PTPRD: variants seen among roughly 807,000 people sequenced by gnomAD.
The protein encoded by PTPRD is receptor-type tyrosine-protein phosphatase delta.
Under a neutral mutation model 214.5 loss-of-function variants are expected in PTPRD, and 34 were observed. The ratio of observed to expected loss-of-function variants is 0.16; its 90% CI spans 0.12 to 0.21. The LOEUF (loss-of-function observed/expected upper bound fraction) is 0.21. Among genes scored for constraint, PTPRD ranks in the 10% least tolerant of loss-of-function variants. The pLI is 1.00. For missense variants in PTPRD, 2,545 were observed against 2,398.7 expected, an observed-to-expected ratio of 1.06 and a Z score of -1.27; for synonymous variants, 1,128 against 845.7, an observed-to-expected ratio of 1.33 and a Z score of -5.79.
chr9:10,238,507 C>A (rs1440793152), intron 3 of PTPRD, among the ~76,000 whole-genome samples: 1 of 151,878 alleles, frequency 6.6e-6, no homozygotes, highest in African/African-American at 2.4e-5. Context: ...CTCCAGAATG[C>A]AATTCTTGCT....
intron 11 of PTPRD, among the ~76,000 whole-genome samples, chr9:8,825,690 T>C (rs1246441109): frequency 6.6e-6 from 1 of 152,188 alleles, no homozygotes; most frequent in Admixed American, 6.5e-5. Flanking sequence ...AATGGCTACT[T>C]TATAGACAGA....
intron 35 of PTPRD, among the ~76,000 whole-genome samples, chr9:8,432,462 C>T (rs1343006654): frequency 6.6e-6 from 1 of 152,140 alleles, no homozygotes; most frequent in Non-Finnish European, 1.5e-5. Context: ...ACCTCAGGAT[C>T]AGTGCAAACA....
intron 3 of PTPRD, among the ~76,000 whole-genome samples, chr9:10,072,515 C>G (rs2098043876): frequency 6.6e-6 from 1 of 152,062 alleles, no homozygotes; most frequent in South Asian, 2.1e-4. Flanking sequence ...GCTTCCACAG[C>G]ATGGAAGGGG....
At chr9:9,739,926 GT>G (rs1411714842) in intron 6 of PTPRD, among the ~76,000 whole-genome samples, 5 of 152,052 alleles carry the variant, frequency 3.3e-5, no homozygotes, top group African/African-American at 1.2e-4. Context: ...TTCAAGTTGT[GT>G]TTTAAGAAAT....
intron 8 of PTPRD, among the ~76,000 whole-genome samples, chr9:9,402,705 G>C (rs1322318025): frequency 6.7e-6 from 1 of 149,570 alleles, no homozygotes; most frequent in Non-Finnish European, 1.5e-5. Context: ...AAAAATAAAA[G>C]ATGTCTGAGC....
intron 12 of PTPRD, among the ~76,000 whole-genome samples, chr9:8,669,703 T>C (rs2097241611): frequency 6.6e-6 from 1 of 152,118 alleles, no homozygotes; most frequent in Admixed American, 6.5e-5. Flanking sequence ...AATAGGTTTG[T>C]CCAAGAACCA....
chr9:9,564,882 C>CTTTTT (rs1448047685), intron 8 of PTPRD, among the ~76,000 whole-genome samples: 3 of 33,214 alleles, frequency 9.0e-5, no homozygotes, highest in Admixed American at 4.9e-4. Flanking sequence ...CTTGAATCTT[C>CTTTTT]TGTTTTTTTT....
At chr9:9,288,200 A>G (rs1595209417) in intron 9 of PTPRD, among the ~76,000 whole-genome samples, 1 of 151,804 alleles carries the variant, frequency 6.6e-6, no homozygotes, top group African/African-American at 2.4e-5. Flanking sequence ...ATCTTAAGAG[A>G]TTATTCATCT....
At chr9:9,276,168 G>A (rs990606624) in intron 9 of PTPRD, among the ~76,000 whole-genome samples, 1 of 151,138 alleles carries the variant, frequency 6.6e-6, no homozygotes, top group Non-Finnish European at 1.5e-5. Flanking sequence ...AATTTCATTG[G>A]GGACATTCAT....
chr9:9,221,157 T>C (rs774330174), intron 9 of PTPRD, among the ~76,000 whole-genome samples: 8 of 152,082 alleles, frequency 5.3e-5, no homozygotes, highest in Non-Finnish European at 1.2e-4. Flanking sequence ...GCCTCAACAA[T>C]TTGCCTTGTT....
At position 9,673,112 on chromosome 9, in the gene PTPRD, A is replaced by T. The variant is rs185118483; in HGVS notation, c.-287+61421T>A. ...GCTGACAAACAGGTACAAATTTTGAAGTTAATTCTAGGGAATTGTGCAATA... is the reference window on the plus strand; with the variant it reads ...GCTGACAAACAGGTACAAATTTTGATGTTAATTCTAGGGAATTGTGCAATA... On this transcript the variant is annotated intron_variant, in intron 7 of 45. Transcript: ENST00000381196. 3.3e-5 allele frequency among the ~76,000 whole-genome samples: 5 copies of T among 152,144 alleles called. No individual in the cohort carries two copies. In the East Asian group the frequency reaches 9.7e-4, roughly 29 times the overall value.
At chr9:10,241,843 T>C (rs977115071) in intron 3 of PTPRD, among the ~76,000 whole-genome samples, 27 of 151,994 alleles carry the variant, frequency 1.8e-4, no homozygotes, top group East Asian at 5.8e-4. Flanking sequence ...TATTGTGTTG[T>C]CAATGATACT....
At chr9:8,978,543 C>T (rs60571549) in intron 11 of PTPRD, among the ~76,000 whole-genome samples, 6,445 of 152,152 alleles carry the variant, frequency 0.042, 457 homozygotes, top group East Asian at 0.27. Flanking sequence ...CAGACTCAGA[C>T]CTATCAGAGT....
At chr9:9,975,746 G>A (rs749283873) in intron 4 of PTPRD, among the ~76,000 whole-genome samples, 1 of 152,154 alleles carries the variant, frequency 6.6e-6, no homozygotes, top group African/African-American at 2.4e-5. Flanking sequence ...AGATACACAG[G>A]TTCTGGAGTC....
chr9:8,607,417 G>A (rs933807857), intron 14 of PTPRD, among the ~76,000 whole-genome samples: 1 of 152,152 alleles, frequency 6.6e-6, no homozygotes, highest in African/African-American at 2.4e-5. Context: ...GGCTGAGGTG[G>A]GTGGATCACA....
chr9:9,456,765 TA>T (rs1355213873), intron 8 of PTPRD, among the ~76,000 whole-genome samples: 6 of 151,830 alleles, frequency 4.0e-5, no homozygotes, highest in African/African-American at 1.4e-4. Context: ...GACTGAGAAA[TA>T]AAGAGGTTAA....
chr9:9,751,169 T>C (rs533831272), intron 6 of PTPRD, among the ~76,000 whole-genome samples: 75 of 148,188 alleles, frequency 5.1e-4, no homozygotes, highest in Admixed American at 1.3e-3. Flanking sequence ...CCACTAAGTA[T>C]TGAACTTAAA....
chr9:8,586,589 A>G (rs937441903), intron 14 of PTPRD, among the ~76,000 whole-genome samples: 1 of 152,170 alleles, frequency 6.6e-6, no homozygotes. Context: ...TGAGGCCCCC[A>G]CAACACAGTA....
At chr9:9,217,891 C>G (rs1319686241) in intron 9 of PTPRD, among the ~76,000 whole-genome samples, 2 of 152,090 alleles carry the variant, frequency 1.3e-5, no homozygotes, top group Non-Finnish European at 2.9e-5. Flanking sequence ...GTCCCCTGCT[C>G]TCTTACATAA....
Sources: gnomAD v4.1 joint callset for allele counts (sites outside exome capture counted in the v4.1 genomes callset) on GRCh38, gnomAD v4.1.1 for gene constraint, MANE v1.5 for transcripts, NCBI Gene and HGNC (gene_info 2026-07-23, HGNC 2026-07-21) for gene names.